Variants in C1orf159 observed in about 807,000 individuals in gnomAD.
The protein encoded by C1orf159 is chromosome 1 open reading frame 159.
C1orf159 carries 19 observed loss-of-function variants against 25.6 expected under a neutral mutation model. The observed-to-expected ratio is 0.74, with a 90% CI of 0.52 to 1.09. C1orf159 has a LOEUF of 1.09. Among genes scored for constraint, C1orf159 ranks in the 50% least tolerant of loss-of-function variants. The probability of loss-of-function intolerance (pLI) is 0.00; values close to 1 mark genes in which losing one functional copy is unlikely to be tolerated. For missense variants in C1orf159, 274 were observed against 290.6 expected (o/e 0.94, Z 0.42); for synonymous variants, 139 against 124.7 (o/e 1.12, Z -0.77).
chr1:1,109,537 G>A (rs1646229898), intron 1 of C1orf159, among the ~76,000 whole-genome samples: 1 of 152,084 alleles, frequency 6.6e-6, no homozygotes, highest in African/African-American at 2.4e-5. Context: ...TGCAATCATA[G>A]CTCACCGCCA....
intron 1 of C1orf159, among the ~76,000 whole-genome samples, chr1:1,102,464 T>G (rs976626673): frequency 6.6e-6 from 1 of 151,432 alleles, no homozygotes; most frequent in African/African-American, 2.4e-5. Flanking sequence ...CCTTCTGTTA[T>G]GTTCATTCAG....
chr1:1,095,213 C>A (rs938967424), intron 1 of C1orf159, among the ~76,000 whole-genome samples: 4 of 152,204 alleles, frequency 2.6e-5, no homozygotes, highest in African/African-American at 9.7e-5. Flanking sequence ...ACATGTGTTT[C>A]CATTTTAGAC....
intron 1 of C1orf159, among the ~76,000 whole-genome samples, chr1:1,094,436 T>C (rs928313004): frequency 6.6e-6 from 1 of 152,134 alleles, no homozygotes; most frequent in Non-Finnish European, 1.5e-5. Context: ...TTGGAGTCTC[T>C]GTCGCCCAGG....
intron 1 of C1orf159, chr1:1,115,134 G>A (rs796703046): frequency 3.5e-4 from 53 of 151,978 alleles, no homozygotes; most frequent in African/African-American, 1.3e-3. Flanking sequence ...AATTTAACAG[G>A]ACGAGGCGGC....
At chr1:1,085,850 G>A (rs769112056) in intron 7 of C1orf159, 28 bp downstream of exon 7, 20 of 1,611,662 alleles carry the variant, frequency 1.2e-5, no homozygotes, top group African/African-American at 5.3e-5. Context: ...GTGCCCTCCC[G>A]TGGGGCAGGT....
Position 1,087,360 on chromosome 1 carries a change from ACTCGGGAAGAGGGGG to A in C1orf159, c.244+127_244+141del, listed in dbSNP as rs1645848213. 1 of 1,159,030 alleles carries A rather than the reference ACTCGGGAAGAGGGGG, an allele frequency of 8.6e-7. No individual in the cohort carries two copies. The allele number at this position is 1,159,030 out of a possible 1,614,324, so 71.8% of individuals were successfully genotyped here. A position where few individuals can be genotyped will look rare whatever the true frequency, so the allele number is the denominator to read the frequency against. ...AGAGCTGTCCCGAATGGCCCAGCAG[ACTCGGGAAGAGGGGG>A]CTCCCGGGGCTGTTCCCCAGTGGAC... On this transcript the variant is annotated intron_variant, in intron 5 of 9. Transcript: ENST00000421241. The surrounding 1 kb of genome is among the most constrained non-coding windows in gnomAD (Gnocchi z 8.3).
At chr1:1,090,605 C>T (rs1301580550) in intron 3 of C1orf159, 177 bp from the exon 4 acceptor site, 9 of 718,608 alleles carry the variant, frequency 1.3e-5, no homozygotes, top group African/African-American at 1.8e-5. Flanking sequence ...CAAGGAGGGG[C>T]CTCACAGCCA....
At chr1:1,088,478 CATCT>C (rs892719595) in intron 4 of C1orf159, among the ~76,000 whole-genome samples, 1 of 149,532 alleles carries the variant, frequency 6.7e-6, no homozygotes, top group Non-Finnish European at 1.5e-5. Flanking sequence ...ACCCTTGGTC[CATCT>C]GTCACCTCCA....
chr1:1,091,752 T>C, intron 2 of C1orf159, 187 bp from the exon 3 acceptor site: 4 of 54,062 alleles, frequency 7.4e-5, no homozygotes, highest in South Asian at 3.3e-4. Context: ...GGCGGGGCTG[T>C]GGTGGAGGGT....
At chr1:1,114,260 A>AG (rs1003192245) in intron 1 of C1orf159, among the ~76,000 whole-genome samples, 1 of 152,018 alleles carries the variant, frequency 6.6e-6, no homozygotes, top group Non-Finnish European at 1.5e-5. Flanking sequence ...TCCCTGGTAG[A>AG]GGGGGGCCCC....
chr1:1,105,949 A>G (rs992550182), intron 1 of C1orf159: 2 of 152,256 alleles, frequency 1.3e-5, no homozygotes, highest in Admixed American at 6.5e-5. Flanking sequence ...AGAATTTTCT[A>G]GCATACCTAG....
In C1orf159 at chr1:1,110,871, C is replaced by T. The variant is rs1310396315; in HGVS notation, c.-136+5189G>A. Among the ~76,000 whole-genome samples, 1 of 152,206 alleles carries T rather than the reference C, an allele frequency of 6.6e-6. No individual in the cohort carries two copies. The highest frequency in any genetic ancestry group is 1.5e-5 in the Non-Finnish European group (1 of 68,030). On this transcript the variant is annotated intron_variant, in intron 1 of 9. Coordinates refer to ENST00000421241, the MANE Select transcript of C1orf159 (RefSeq NM_017891.5). This position sits in a 1 kb window ranked among gnomAD's most constrained non-coding sequence, Gnocchi z 4.8. ...GAGCCGTGGCAGACGCAAAACCGCCCGCACGTGTGACTCCTAACACTCAGA... is the reference window on the plus strand; with the variant it reads ...GAGCCGTGGCAGACGCAAAACCGCCTGCACGTGTGACTCCTAACACTCAGA...
rs545281478 is a variant in C1orf159 at position 1,085,142 on chromosome 1, G to A, written c.446-636C>T. Reference sequence around the variant, plus strand: ...ACTGGAGGCTGGGCCCTGAGACCCCGAGAGAGGTTGAGGGGGATGGACAGG... The same window carrying A: ...ACTGGAGGCTGGGCCCTGAGACCCCAAGAGAGGTTGAGGGGGATGGACAGG... On this transcript the variant is annotated intron_variant, in intron 7 of 9. Coordinates refer to ENST00000421241, the MANE Select transcript of C1orf159 (RefSeq NM_017891.5). The A allele has an allele frequency of 2.7e-4, 78 of 292,370 alleles. No individual in the cohort carries two copies. In the East Asian group the frequency reaches 6.7e-3, roughly 25 times the overall value. 18.1% of individuals were successfully genotyped at this position (292,370 alleles called of 1,614,324 possible). A position where few individuals can be genotyped will look rare whatever the true frequency, so the allele number is the denominator to read the frequency against.
At chr1:1,114,751 C>T (rs1185542088) in intron 1 of C1orf159, among the ~76,000 whole-genome samples, 3 of 152,068 alleles carry the variant, frequency 2.0e-5, no homozygotes, top group Non-Finnish European at 4.4e-5. Flanking sequence ...ACATCCCAGG[C>T]GGCCGCCCCT....
intron 3 of C1orf159, chr1:1,090,634 G>A (rs1191807566): frequency 5.8e-6 from 4 of 691,916 alleles, no homozygotes; most frequent in Non-Finnish European, 9.9e-6. Flanking sequence ...ATCCCTGTGG[G>A]ACCCTGGGTG....
At position 1,089,493 on chromosome 1, in the gene C1orf159, A is replaced by G. The variant is rs1251014025; in HGVS notation, c.148+860T>C. Among the ~76,000 whole-genome samples, 2 of 151,968 alleles carry G rather than the reference A, an allele frequency of 1.3e-5. No individual in the cohort carries two copies. The highest frequency in any genetic ancestry group is 2.9e-5 in the Non-Finnish European group (2 of 67,964). Reference sequence around the variant, plus strand: ...CCTCCTCCTACCCTGCGTGTGCCTCAGATGTCATCACTGCCTTCCTGTGGG... The same window carrying G: ...CCTCCTCCTACCCTGCGTGTGCCTCGGATGTCATCACTGCCTTCCTGTGGG... On this transcript the variant is annotated intron_variant, in intron 4 of 9. Coordinates refer to ENST00000421241, the MANE Select transcript of C1orf159 (RefSeq NM_017891.5). The surrounding 1 kb of genome is among the most constrained non-coding windows in gnomAD (Gnocchi z 7.5).
At chr1:1,111,898 C>T (rs1484858240) in intron 1 of C1orf159, among the ~76,000 whole-genome samples, 1 of 152,256 alleles carries the variant, frequency 6.6e-6, no homozygotes, top group East Asian at 1.9e-4. Context: ...GCCTCTCTAC[C>T]TAAAGATCCC....
chr1:1,084,384 C>G lies in C1orf159; in HGVS notation c.472-1G>C. 3 of 1,576,776 alleles carry G rather than the reference C, an allele frequency of 1.9e-6. No individual in the cohort carries two copies. The highest frequency in any genetic ancestry group is 2.6e-6 in the Non-Finnish European group (3 of 1,160,474). ...ACTGTGGCGGGGGGATCATTGCAGC[C>G]TTGAAAAGGAGAGAAAGGCAGAGTG... On this transcript the variant is annotated splice_acceptor_variant, in intron 8 of 9. Transcript: ENST00000421241. LOFTEE classifies it high-confidence loss of function.
intron 1 of C1orf159, among the ~76,000 whole-genome samples, chr1:1,093,748 T>C (rs1402133149): frequency 6.6e-6 from 1 of 152,232 alleles, no homozygotes; most frequent in Non-Finnish European, 1.5e-5. Flanking sequence ...TGGATGGAGC[T>C]GCGGCCAAGG....
Sources: allele counts gnomAD v4.1 joint callset (sites outside exome capture counted in the v4.1 genomes callset), GRCh38; gene constraint gnomAD v4.1.1; non-coding constraint Gnocchi (gnomAD v3.1); transcripts MANE v1.5; gene names NCBI Gene and HGNC (gene_info 2026-07-23, HGNC 2026-07-21).